MLIP: variants seen among roughly 807,000 people sequenced by gnomAD.
The protein encoded by MLIP is muscular LMNA interacting protein, also known as muscular LMNA-interacting protein.
In MLIP, 79 loss-of-function variants were observed where a neutral mutation model predicts 84.8. The observed-to-expected ratio is 0.93, with a 90% CI of 0.78 to 1.12. The LOEUF is 1.12. Among genes scored for constraint, MLIP ranks in the 50% most tolerant of loss-of-function variants. The pLI is 0.00. For missense variants in MLIP, 1,257 were observed against 1,160.6 expected, an observed-to-expected ratio of 1.08 and a Z score of -1.21; for synonymous variants, 504 against 463.0, an observed-to-expected ratio of 1.09 and a Z score of -1.14.
chr6:54,087,601 G>C (rs537588724), intron 1 of MLIP, among the ~76,000 whole-genome samples: 14 of 152,216 alleles, frequency 9.2e-5, no homozygotes, highest in African/African-American at 3.4e-4. Context: ...TTACTTGCAT[G>C]CCTTCTCCTT....
chr6:54,205,960 G>T (rs1353101690), intron 11 of MLIP, among the ~76,000 whole-genome samples: 1 of 152,160 alleles, frequency 6.6e-6, no homozygotes, highest in African/African-American at 2.4e-5. Flanking sequence ...AAAAACTGTG[G>T]TGGTGTGTTT....
chr6:54,157,749 A>T (rs1269793002), intron 5 of MLIP, among the ~76,000 whole-genome samples: 1 of 152,094 alleles, frequency 6.6e-6, no homozygotes, highest in African/African-American at 2.4e-5. Context: ...ATATTAAACC[A>T]TCTGAACACC....
intron 1 of MLIP, among the ~76,000 whole-genome samples, chr6:54,078,017 A>G (rs1168806463): frequency 6.6e-6 from 1 of 152,138 alleles, no homozygotes; most frequent in African/African-American, 2.4e-5. Context: ...TTGACAGAAA[A>G]ATGAAATGAT....
intron 1 of MLIP, among the ~76,000 whole-genome samples, chr6:54,085,422 AG>A (rs2150363064): frequency 6.6e-6 from 1 of 152,310 alleles, no homozygotes; most frequent in Non-Finnish European, 1.5e-5. Context: ...CTATTTCAAA[AG>A]TTTTTGTGAG....
At chr6:54,105,037 G>T (rs1252717330) in intron 1 of MLIP, among the ~76,000 whole-genome samples, 2 of 152,130 alleles carry the variant, frequency 1.3e-5, no homozygotes, top group African/African-American at 4.8e-5. Flanking sequence ...GTTGGATAAC[G>T]CTGATCTAGA....
chr6:54,229,783 G>C (rs779747992), intron 11 of MLIP, among the ~76,000 whole-genome samples: 2 of 151,976 alleles, frequency 1.3e-5, no homozygotes, highest in African/African-American at 4.8e-5. Context: ...ATAGGCATTT[G>C]TATTGATTCC....
intron 3 of MLIP, among the ~76,000 whole-genome samples, chr6:54,127,716 G>A (rs934197884): frequency 4.6e-5 from 7 of 151,994 alleles, no homozygotes; most frequent in Non-Finnish European, 1.0e-4. Flanking sequence ...TATAAATATT[G>A]GGTTGAATGA....
At chr6:54,056,002 AT>A (rs1262024563) in intron 1 of MLIP, among the ~76,000 whole-genome samples, 1 of 152,088 alleles carries the variant, frequency 6.6e-6, no homozygotes, top group African/African-American at 2.4e-5. Flanking sequence ...ATATTTATAT[AT>A]TTTTTTAATA....
intron 8 of MLIP, among the ~76,000 whole-genome samples, chr6:54,163,930 G>T (rs1434995510): frequency 1.3e-5 from 2 of 151,648 alleles, no homozygotes; most frequent in African/African-American, 4.8e-5. Context: ...TTATAGTTTT[G>T]CTGCGAATAA....
intron 1 of MLIP, among the ~76,000 whole-genome samples, chr6:54,074,593 T>A (rs1766679891): frequency 6.6e-6 from 1 of 152,126 alleles, no homozygotes; most frequent in Non-Finnish European, 1.5e-5. Flanking sequence ...AATAGGTGTA[T>A]CCTCTTGTGC....
chr6:54,149,042 G>T lies in MLIP; in HGVS notation c.2218-14G>T, dbSNP rs560778311. 6.2e-7 allele frequency: 1 copy of T among 1,610,198 alleles called. No individual in the cohort carries two copies. Among genetic ancestry groups the T allele is most frequent in the South Asian group, 1.1e-5 (1 of 90,780 alleles). On this transcript the variant is annotated splice_polypyrimidine_tract_variant and intron_variant, in intron 4 of 13. Transcript: ENST00000502396. ...TTTTCATCTCTACTCTTGCTTTCTG[G>T]TTGCCCATTCTAGCAATACAAGACC...
intron 1 of MLIP, among the ~76,000 whole-genome samples, chr6:54,030,173 T>A (rs967545000): frequency 3.3e-5 from 5 of 152,186 alleles, no homozygotes; most frequent in African/African-American, 9.7e-5. Context: ...TTTATTAACT[T>A]TTAATTGTAT....
chr6:54,066,705 C>G lies in MLIP; in HGVS notation c.63+47614C>G. 2.0e-5 allele frequency among the ~76,000 whole-genome samples: 2 copies of G among 99,570 alleles called. 1 individual carries two copies. Among genetic ancestry groups the G allele is most frequent in the African/African-American group, 5.1e-5 (2 of 38,942 alleles). 65.3% of individuals were successfully genotyped at this position (99,570 alleles called of 152,430 possible). A position where few individuals can be genotyped will look rare whatever the true frequency, so the allele number is the denominator to read the frequency against. ...TATAATGAGAAATAGATTGGTTTTG[C>G]AGGTGATTTGTTACTTCTGCAAACA... On this transcript the variant is annotated intron_variant, in intron 1 of 12. Coordinates refer to the MLIP transcript ENST00000274897.
chr6:54,183,812 G>A (rs905934282), intron 9 of MLIP, among the ~76,000 whole-genome samples: 3 of 140,138 alleles, frequency 2.1e-5, no homozygotes, highest in South Asian at 2.3e-4. Context: ...TGGCGCGATC[G>A]TGACTCACTG....
intron 9 of MLIP, 65 bp from the exon 10 acceptor site, chr6:54,189,805 T>G (rs1777736839): frequency 3.2e-6 from 4 of 1,246,506 alleles, no homozygotes; most frequent in Non-Finnish European, 4.7e-6. Flanking sequence ...TCAAAATACT[T>G]AAACACATAC....
intron 1 of MLIP, among the ~76,000 whole-genome samples, chr6:54,112,892 T>C (rs1351612239): frequency 6.6e-6 from 1 of 152,220 alleles, no homozygotes; most frequent in African/African-American, 2.4e-5. Context: ...TTCTACTTTA[T>C]TCACTGAAAG....
chr6:54,210,524 T>C (rs1779372749), intron 11 of MLIP, among the ~76,000 whole-genome samples: 1 of 152,136 alleles, frequency 6.6e-6, no homozygotes, highest in Non-Finnish European at 1.5e-5. Context: ...TCCTTGTTTG[T>C]TAATGCTATT....
intron 3 of MLIP, 110 bp downstream of exon 3, chr6:54,124,975 G>T (rs896516852): frequency 2.3e-6 from 2 of 878,044 alleles, no homozygotes; most frequent in Middle Eastern, 3.7e-4. Context: ...AACTTTCAAA[G>T]AAAAATATAT....
At chr6:54,235,824 G>T (rs1435474116) in intron 12 of MLIP, among the ~76,000 whole-genome samples, 1 of 152,128 alleles carries the variant, frequency 6.6e-6, no homozygotes, top group East Asian at 1.9e-4. Context: ...GGGTGGGGTT[G>T]TGGAGGCAGG....
Sources: gnomAD v4.1 joint callset for allele counts (sites outside exome capture counted in the v4.1 genomes callset) on GRCh38, gnomAD v4.1.1 for gene constraint, MANE v1.5 for transcripts, NCBI Gene and HGNC (gene_info 2026-07-23, HGNC 2026-07-21) for gene names.